Variants in PRKAR2A observed in about 807,000 individuals in gnomAD.
The protein encoded by PRKAR2A is protein kinase cAMP-dependent type II regulatory subunit alpha.
PRKAR2A carries 29 observed loss-of-function variants against 51.9 expected under a neutral mutation model. The ratio of observed to expected loss-of-function variants is 0.56; its 90% CI spans 0.42 to 0.76. The LOEUF (loss-of-function observed/expected upper bound fraction) is 0.76, where lower values mean the gene tolerates loss of function less well. Ranked by LOEUF, PRKAR2A falls within the 30% of genes least tolerant of loss-of-function variation. The pLI is 0.00. For synonymous variants in PRKAR2A, 178 were observed against 186.2 expected, an observed-to-expected ratio of 0.96 and a Z score of 0.36; for missense variants, 445 against 512.1, an observed-to-expected ratio of 0.87 and a Z score of 1.26.
chr3:48,779,742 TACACTCCCACCTGAGCA>T (rs1368747732), intron 5 of PRKAR2A, among the ~76,000 whole-genome samples: 1 of 150,726 alleles, frequency 6.6e-6, no homozygotes, highest in Non-Finnish European at 1.5e-5. Context: ...ATTGCACCAC[TACACTCCCACCTGAGCA>T]ACAGAGCAAG....
chr3:48,834,486 A>C (rs2083247518), intron 1 of PRKAR2A, among the ~76,000 whole-genome samples: 1 of 152,142 alleles, frequency 6.6e-6, no homozygotes, highest in African/African-American at 2.4e-5. Context: ...TGTAATCCCA[A>C]CACTTTGGAA....
chr3:48,745,812 T>G (rs776916838), downstream of PRKAR2A, among the ~76,000 whole-genome samples: 4 of 152,060 alleles, frequency 2.6e-5, no homozygotes, highest in African/African-American at 4.8e-5. Flanking sequence ...GTGCTGGGAT[T>G]ACAGGTCTGA....
intron 2 of PRKAR2A, among the ~76,000 whole-genome samples, chr3:48,807,199 T>C (rs1211082148): frequency 6.6e-6 from 1 of 152,164 alleles, no homozygotes; most frequent in East Asian, 1.9e-4. Flanking sequence ...TTTCTCCCAG[T>C]AGCCTAATCT....
chr3:48,783,014 C>A lies in PRKAR2A; in HGVS notation c.514G>T (p.Asp172Tyr). 6.2e-7 allele frequency: 1 copy of A among 1,613,440 alleles called. No homozygotes were observed. Among genetic ancestry groups the A allele is most frequent in the Non-Finnish European group, 8.5e-7 (1 of 1,179,518 alleles). The change falls in exon 5 of 11, where the codon GAT becomes TAT. Residue 172 changes from aspartate to tyrosine, a missense_variant. By Grantham distance (160) the Asp-to-Tyr change is radical. Transcript: ENST00000265563. ...ADEHVIDQGDDGDNFYVIERG... is the reference protein window; with the variant it reads ...ADEHVIDQGDYGDNFYVIERG... The stretch of plus-strand genomic sequence containing the variant: ...TCTATGACATAAAAGTTGTCTCCAT[C>A]ATCTCCTTGGTCAATGACATGCTCA...
chr3:48,783,541 G>A (rs2082236706), intron 4 of PRKAR2A, among the ~76,000 whole-genome samples: 1 of 152,088 alleles, frequency 6.6e-6, no homozygotes, highest in African/African-American at 2.4e-5. Context: ...TTTGACTAGC[G>A]AAACACGTCA....
intron 2 of PRKAR2A, among the ~76,000 whole-genome samples, 174 bp downstream of exon 2, chr3:48,807,475 A>G (rs2082690834): frequency 6.6e-6 from 1 of 152,250 alleles, no homozygotes; most frequent in Non-Finnish European, 1.5e-5. Flanking sequence ...TAAAATACGT[A>G]CATACATACT....
intron 2 of PRKAR2A, 105 bp from the exon 3 acceptor site, chr3:48,794,154 CT>C (rs368082715): frequency 0.13 from 79,130 of 624,252 alleles, no homozygotes; most frequent in South Asian, 0.17. Flanking sequence ...GTTTTCTTTT[CT>C]TTTTTTTTTT....
chr3:48,807,326 A>G (rs946102897), intron 2 of PRKAR2A, among the ~76,000 whole-genome samples: 1 of 152,140 alleles, frequency 6.6e-6, no homozygotes, highest in African/African-American at 2.4e-5. Flanking sequence ...TCAAAAAGGT[A>G]TATGTAAGAG....
At chr3:48,756,239 A>G in intron 9 of PRKAR2A, 140 bp downstream of exon 9, 1 of 673,244 alleles carries the variant, frequency 1.5e-6, no homozygotes, top group Non-Finnish European at 2.6e-6. Flanking sequence ...TCTATACTAA[A>G]TGGGCTTAAA....
At chr3:48,812,487 CT>C (rs71627353) in intron 1 of PRKAR2A, among the ~76,000 whole-genome samples, 241 of 134,212 alleles carry the variant, frequency 1.8e-3, no homozygotes, top group Non-Finnish European at 2.1e-3. Context: ...GCAGAAAAAG[CT>C]TTTTTTTTTT....
intron 1 of PRKAR2A, among the ~76,000 whole-genome samples, chr3:48,833,750 T>C (rs1235124424): frequency 6.8e-6 from 1 of 147,924 alleles, no homozygotes; most frequent in Non-Finnish European, 1.5e-5. Flanking sequence ...AAATTGTTTC[T>C]TCCGGCCAGG....
At chr3:48,770,604 A>C (rs548036660) in intron 6 of PRKAR2A, among the ~76,000 whole-genome samples, 1 of 152,290 alleles carries the variant, frequency 6.6e-6, no homozygotes, top group East Asian at 1.9e-4. Context: ...TAACAGGAGA[A>C]AAGTAGAGGC....
rs574857517 is a variant in PRKAR2A, at chr3:48,796,710, G to A, written c.299-2661C>T. The stretch of plus-strand genomic sequence containing the variant: ...TTGCCATGTTGGCCAGGCTGGTCTC[G>A]AACTCCTGATCTCAAGTGATCTGCC... On this transcript the variant is annotated intron_variant, in intron 2 of 10. Transcript: ENST00000265563. Among the ~76,000 whole-genome samples the A allele has an allele frequency of 2.4e-3, 356 of 145,510 alleles. 3 individuals carry two copies. Among genetic ancestry groups the A allele is most frequent in the African/African-American group, 8.6e-3 (338 of 39,302 alleles).
At chr3:48,788,828 C>T (rs1258038942) in intron 4 of PRKAR2A, among the ~76,000 whole-genome samples, 2 of 152,032 alleles carry the variant, frequency 1.3e-5, no homozygotes, top group Non-Finnish European at 2.9e-5. Flanking sequence ...GAGAAATTTC[C>T]ACTGTTTATA....
intron 1 of PRKAR2A, 43 bp from the exon 2 acceptor site, chr3:48,807,727 A>T (rs759949816): frequency 6.4e-7 from 1 of 1,559,444 alleles, no homozygotes; most frequent in Non-Finnish European, 8.8e-7. Flanking sequence ...TTATGTCACC[A>T]GGCCGCATTT....
chr3:48,787,640 G>A (rs185863975), intron 4 of PRKAR2A, among the ~76,000 whole-genome samples: 2 of 152,276 alleles, frequency 1.3e-5, no homozygotes, highest in East Asian at 3.9e-4. Flanking sequence ...CCATTTACAT[G>A]GATGGGTCTT....
intron 1 of PRKAR2A, among the ~76,000 whole-genome samples, chr3:48,846,255 G>A (rs1374366729): frequency 6.9e-6 from 1 of 145,432 alleles, no homozygotes; most frequent in African/African-American, 2.6e-5. Flanking sequence ...TCGCTCTGTC[G>A]CCCAGGCTGG....
chr3:48,777,666 A>T (rs1464146533), intron 5 of PRKAR2A, among the ~76,000 whole-genome samples: 1 of 152,094 alleles, frequency 6.6e-6, no homozygotes, highest in Non-Finnish European at 1.5e-5. Context: ...CAGCCTCCCA[A>T]AGTGCTGGGA....
At chr3:48,836,607 T>C (rs772309167) in intron 1 of PRKAR2A, among the ~76,000 whole-genome samples, 33 of 151,458 alleles carry the variant, frequency 2.2e-4, no homozygotes, top group Non-Finnish European at 3.8e-4. Flanking sequence ...ATGACACCTA[T>C]AGCACAAACA....
Sources: allele counts gnomAD v4.1 joint callset (sites outside exome capture counted in the v4.1 genomes callset), GRCh38; gene constraint gnomAD v4.1.1; transcripts MANE v1.5; gene names NCBI Gene and HGNC (gene_info 2026-07-23, HGNC 2026-07-21).